CNTNAP2: variants seen among roughly 807,000 people sequenced by gnomAD.
CNTNAP2 encodes the protein contactin associated protein 2.
CNTNAP2 carries 98 observed loss-of-function variants against 155.2 expected under a neutral mutation model. That is an observed-to-expected ratio of 0.63 (90% confidence interval 0.54 to 0.75). CNTNAP2 has a LOEUF of 0.75. Ranked by LOEUF, CNTNAP2 falls within the 30% of genes least tolerant of loss-of-function variation. The probability of loss-of-function intolerance (pLI) is 0.00; values close to 1 mark genes in which losing one functional copy is unlikely to be tolerated. For missense variants in CNTNAP2, 1,727 were observed against 1,688.1 expected (o/e 1.02, Z -0.40); for synonymous variants, 651 against 631.2 (o/e 1.03, Z -0.47).
At chr7:146,443,201 G>T (rs1223704986) in intron 1 of CNTNAP2, among the ~76,000 whole-genome samples, 1 of 150,526 alleles carries the variant, frequency 6.6e-6, no homozygotes, top group Non-Finnish European at 1.5e-5. Flanking sequence ...GTGACAGAGC[G>T]AGACTCCGTC....
intron 8 of CNTNAP2, among the ~76,000 whole-genome samples, chr7:147,202,624 CG>C (rs1230242215): frequency 6.6e-6 from 1 of 151,904 alleles, no homozygotes; most frequent in Non-Finnish European, 1.5e-5. Context: ...CATAAAAAAA[CG>C]GATGAGTTCA....
In CNTNAP2 at chr7:146,683,517, G is replaced by A. The variant is rs141355235; in HGVS notation, c.98-90754G>A. On this transcript the variant is annotated intron_variant, in intron 1 of 23. Transcript: ENST00000361727. ...GAACTCAAACTACAGTGCCACAAGA[G>A]ACATTGGAAATTCTGTGTGTCATAC... Among the ~76,000 whole-genome samples the A allele has an allele frequency of 2.2e-3, 340 of 152,256 alleles. 3 individuals are homozygous for A. Among genetic ancestry groups the A allele is most frequent in the African/African-American group, 8.1e-3 (335 of 41,554 alleles).
chr7:147,966,123 G>C (rs540927100), intron 14 of CNTNAP2, among the ~76,000 whole-genome samples: 1 of 152,196 alleles, frequency 6.6e-6, no homozygotes, highest in African/African-American at 2.4e-5. Context: ...GGCAGTAATC[G>C]ATACAGGAAT....
intron 1 of CNTNAP2, among the ~76,000 whole-genome samples, chr7:146,457,266 A>G (rs73462728): frequency 0.027 from 4,137 of 151,862 alleles, 139 homozygotes; most frequent in African/African-American, 0.073. Context: ...TCTTTATAGA[A>G]AGTGATGGAC....
intron 11 of CNTNAP2, among the ~76,000 whole-genome samples, chr7:147,532,515 C>T (rs1799460151): frequency 6.6e-6 from 1 of 152,188 alleles, no homozygotes; most frequent in Admixed American, 6.5e-5. Flanking sequence ...CTGTTCCAGC[C>T]TCTGCCTGTT....
Position 148,415,456 on chromosome 7 carries a change from T to G in CNTNAP2, c.3836T>G (p.Leu1279Arg). ...AVVIFTILCT[L>R]VFLIRYMFRH... Reference sequence around the variant, plus strand: ...GTGATTTTCACCATCCTGTGCACCCTGGTCTTCCTGATCCGGTACATGTTC... The same window carrying G: ...GTGATTTTCACCATCCTGTGCACCCGGGTCTTCCTGATCCGGTACATGTTC... Residue 1279 changes from leucine to arginine, a missense_variant, in exon 24 of 24, where the codon CTG becomes CGG. Leu to Arg is a moderately radical substitution (Grantham distance 102). Coordinates refer to ENST00000361727, the MANE Select transcript of CNTNAP2 (RefSeq NM_014141.6). The G allele has an allele frequency of 6.2e-7, 1 of 1,614,144 alleles. No individual in the cohort carries two copies. The highest frequency in any genetic ancestry group is 1.6e-4 in the Middle Eastern group (1 of 6,062).
chr7:146,723,378 A>G (rs1801372648), intron 1 of CNTNAP2, among the ~76,000 whole-genome samples: 1 of 152,194 alleles, frequency 6.6e-6, no homozygotes, highest in African/African-American at 2.4e-5. Context: ...TGAACCAGTA[A>G]ACTTCTACTG....
intron 1 of CNTNAP2, among the ~76,000 whole-genome samples, chr7:146,357,892 T>C (rs1476407005): frequency 1.4e-5 from 2 of 138,400 alleles, no homozygotes; most frequent in South Asian, 2.2e-4. Context: ...AAATAAGAAG[T>C]ATACACATAA....
chr7:146,713,382 A>G (rs1801132700), intron 1 of CNTNAP2, among the ~76,000 whole-genome samples: 1 of 152,024 alleles, frequency 6.6e-6, no homozygotes, highest in African/African-American at 2.4e-5. Context: ...CTGGAAGGCC[A>G]TTTGCTTTGT....
chr7:147,839,937 T>TACACACACACACACAC (rs1283249034), intron 13 of CNTNAP2, among the ~76,000 whole-genome samples: 87 of 94,732 alleles, frequency 9.2e-4, no homozygotes, highest in African/African-American at 3.0e-3. Flanking sequence ...TATATATATG[T>TACACACACACACACAC]ATACACACAC....
rs754922892 is a variant in CNTNAP2, at chr7:147,575,107, A to ATGTGTG, written c.1897+12890_1897+12895dup. 1.3e-3 allele frequency among the ~76,000 whole-genome samples: 122 copies of ATGTGTG among 94,014 alleles called. 1 individual carries two copies. Among genetic ancestry groups the ATGTGTG allele is most frequent in the African/African-American group, 4.1e-3 (105 of 25,464 alleles). 61.7% of individuals were successfully genotyped at this position (94,014 alleles called of 152,430 possible). Reference sequence around the variant, plus strand: ...CATATTCTCCCGGTCTTTGTGGGAAATGTGTGTGTGTGTGTGTGTGTGTGT... The same window carrying ATGTGTG: ...CATATTCTCCCGGTCTTTGTGGGAAATGTGTGTGTGTGTGTGTGTGTGTGTGTGTGT... On this transcript the variant is annotated intron_variant, in intron 12 of 23. Transcript: ENST00000361727.
rs1795970323 is a variant in CNTNAP2, at chr7:147,683,016, A to C, written c.2098+43710A>C. On this transcript the variant is annotated intron_variant, in intron 13 of 23. Transcript: ENST00000361727. ...AATTAGGAAGGGCTCTAATGATCCT[A>C]CTATTTACTACTTTGGCAAGATACC... is the stretch of plus-strand genomic sequence containing the variant. Among the ~76,000 whole-genome samples, 3 of 151,996 alleles carry C rather than the reference A, an allele frequency of 2.0e-5. No individual in the cohort carries two copies. In the South Asian group the frequency reaches 6.2e-4, roughly 32 times the overall value.
intron 1 of CNTNAP2, among the ~76,000 whole-genome samples, chr7:146,576,193 C>T (rs10262956): frequency 0.79 from 120,788 of 152,150 alleles, 48,406 homozygotes; most frequent in South Asian, 0.88. Context: ...CCATGTGATA[C>T]GGTGATAAGA....
At chr7:147,425,938 A>G (rs1307926688) in intron 10 of CNTNAP2, among the ~76,000 whole-genome samples, 1 of 152,134 alleles carries the variant, frequency 6.6e-6, no homozygotes, top group Non-Finnish European at 1.5e-5. Flanking sequence ...TTGACTGAAA[A>G]TGCTAATCTA....
intron 1 of CNTNAP2, among the ~76,000 whole-genome samples, chr7:146,395,871 A>G (rs188929111): frequency 0.013 from 1,900 of 151,738 alleles, 44 homozygotes; most frequent in Non-Finnish European, 0.014. Context: ...ATGGACAGGT[A>G]TGTAGTTTCA....
chr7:146,370,470 T>C (rs1465229919), intron 1 of CNTNAP2, among the ~76,000 whole-genome samples: 5 of 151,828 alleles, frequency 3.3e-5, no homozygotes, highest in South Asian at 4.2e-4. Flanking sequence ...AAAACATTTT[T>C]CCTTAATGAT....
At chr7:146,380,784 C>CTTTTTTTTTTTTTT (rs56886106) in intron 1 of CNTNAP2, among the ~76,000 whole-genome samples, 3 of 38,810 alleles carry the variant, frequency 7.7e-5, no homozygotes, top group Non-Finnish European at 9.8e-5. Context: ...TATGCACGTT[C>CTTTTTTTTTTTTTT]TTTTTTTTTT....
At chr7:147,784,381 CATATATATATATAT>C (rs60221349) in intron 13 of CNTNAP2, among the ~76,000 whole-genome samples, 1 of 99,312 alleles carries the variant, frequency 1.0e-5, no homozygotes. Flanking sequence ...AAACTAAAAA[CATATATATATATAT>C]ATATATATAT....
chr7:147,228,620 T>C (rs1325253101), intron 8 of CNTNAP2, among the ~76,000 whole-genome samples: 1 of 152,226 alleles, frequency 6.6e-6, no homozygotes, highest in Non-Finnish European at 1.5e-5. Flanking sequence ...TTCAGTAAAT[T>C]TAAATGAAGA....
Sources: allele counts gnomAD v4.1 joint callset (sites outside exome capture counted in the v4.1 genomes callset), GRCh38; gene constraint gnomAD v4.1.1; transcripts MANE v1.5; gene names NCBI Gene and HGNC (gene_info 2026-07-23, HGNC 2026-07-21).